The following UQCRH variants were observed in gnomAD, a reference collection of about 807,000 sequenced individuals.
The protein encoded by UQCRH is cytochrome b-c1 complex subunit 6, mitochondrial.
In UQCRH, 14 loss-of-function variants were observed where a neutral mutation model predicts 16.3. That is an observed-to-expected ratio of 0.86 (90% CI 0.57 to 1.34). The LOEUF (loss-of-function observed/expected upper bound fraction) is 1.34, where lower values mean the gene tolerates loss of function less well. Ranked by LOEUF, UQCRH falls within the 40% of genes most tolerant of loss-of-function variation. The pLI, the probability that UQCRH is intolerant of heterozygous loss-of-function variation, is 0.00. For synonymous variants in UQCRH, 41 were observed against 41.9 expected (o/e 0.98, Z 0.08); for missense variants, 89 against 111.9 (o/e 0.80, Z 0.92).
intron 1 of UQCRH, among the ~76,000 whole-genome samples, chr1:46,305,499 G>A (rs544801302): frequency 7.6e-6 from 1 of 131,286 alleles, no homozygotes; most frequent in East Asian, 2.0e-4. Context: ...TCGGGAGGCC[G>A]AGGCGGGTGG....
At chr1:46,309,206 G>T in intron 2 of UQCRH, 79 bp downstream of exon 2, 1 of 1,522,240 alleles carries the variant, frequency 6.6e-7, no homozygotes, top group Non-Finnish European at 9.0e-7. Flanking sequence ...GCATTTTAAG[G>T]AGTTTTTACT....
rs761472665 is a variant in UQCRH, at chr1:46,310,227, C to T, written c.154C>T (p.Leu52Phe). 5.6e-6 allele frequency: 9 copies of T among 1,614,080 alleles called. No homozygotes were observed. Among genetic ancestry groups the T allele is most frequent in the Non-Finnish European group, 2.5e-6 (3 of 1,180,046 alleles). ...KCVKARERLELCDERVSSRSH... is the reference protein window; with the variant it reads ...KCVKARERLEFCDERVSSRSH... ...TGTAAAGGCCCGGGAGCGGCTAGAG[C>T]TCTGTGATGAGCGTGTATCCTCTCG... The change falls in exon 3 of 4, where the codon CTC (leucine) becomes TTC (phenylalanine). Residue 52 changes from leucine (L) to phenylalanine (F), a missense_variant. Transcript: ENST00000311672.
chr1:46,311,846 T>A (rs1477779224), intron 3 of UQCRH, among the ~76,000 whole-genome samples: 1 of 151,744 alleles, frequency 6.6e-6, no homozygotes, highest in Admixed American at 6.6e-5. Flanking sequence ...GCCAAGATGG[T>A]CTCAGTCTCC....
At chr1:46,304,867 A>G (rs1309232471) in intron 1 of UQCRH, among the ~76,000 whole-genome samples, 2 of 152,136 alleles carry the variant, frequency 1.3e-5, no homozygotes, top group African/African-American at 2.4e-5. Context: ...GACTCTTATC[A>G]ATTTTGCGAC....
At chr1:46,312,813 T>G (rs1197351037) in intron 3 of UQCRH, among the ~76,000 whole-genome samples, 1 of 152,114 alleles carries the variant, frequency 6.6e-6, no homozygotes, top group Non-Finnish European at 1.5e-5. Context: ...ATGTGGTTGC[T>G]TCTATTAAAA....
chr1:46,309,228 A>G lies in UQCRH; in HGVS notation c.81+101A>G. On this transcript the variant is annotated intron_variant, in intron 2 of 3. Coordinates refer to ENST00000311672, the MANE Select transcript of UQCRH (RefSeq NM_006004.4). ...AAGGAGTTTTTACTTGATACCTTGT[A>G]GATAATGGGGGTGGAATAAGCTTTG... The G allele has an allele frequency of 3.0e-6, 4 of 1,320,726 alleles. No homozygotes were observed. The South Asian group carries it at 4.1e-5, about 13-fold the overall frequency. The allele number at this position is 1,320,726 out of a possible 1,614,324, so 81.8% of individuals were successfully genotyped here. A position where few individuals can be genotyped will look rare whatever the true frequency, so the allele number is the denominator to read the frequency against.
At chr1:46,306,711 G>C (rs1029041921) in intron 1 of UQCRH, among the ~76,000 whole-genome samples, 1 of 152,120 alleles carries the variant, frequency 6.6e-6, no homozygotes, top group African/African-American at 2.4e-5. Context: ...AAGAAACCTT[G>C]TTAATGAAAA....
In UQCRH at chr1:46,316,673, G is replaced by A; in HGVS notation, c.*89G>A. 1 of 1,583,042 alleles carries A rather than the reference G, an allele frequency of 6.3e-7. No homozygotes were observed. The highest frequency in any genetic ancestry group is 1.8e-5 in the Admixed American group (1 of 55,132). On this transcript the variant is annotated 3_prime_UTR_variant, in exon 4 of 4. Coordinates refer to ENST00000311672, the MANE Select transcript of UQCRH (RefSeq NM_006004.4). ...TGGATGTACCATTTGTTTCTTATTT[G>A]TGTAACTGTAAGTTCACATGAACCT... is the stretch of plus-strand genomic sequence containing the variant.
At chr1:46,316,208 A>G (rs919064924) in intron 3 of UQCRH, among the ~76,000 whole-genome samples, 4 of 152,214 alleles carry the variant, frequency 2.6e-5, no homozygotes, top group Non-Finnish European at 4.4e-5. Context: ...CACTTAGAAC[A>G]CTACCTGGCA....
In UQCRH at chr1:46,309,103, G is replaced by T; in HGVS notation, c.57G>T (p.Glu19Asp). Residue 19 changes from glutamate (E) to aspartate (D), a missense_variant and splice_region_variant, in exon 2 of 4, where the codon GAG becomes GAT. Physicochemically the swap from Glu to Asp is conservative, Grantham distance 45. Coordinates refer to ENST00000311672, the MANE Select transcript of UQCRH (RefSeq NM_006004.4). ...TTAATTTTGTTTTCCTTTTGTAGGAGGAAGAGGAAGAGGAGGAATTAGTGG... is the reference window on the plus strand; with the variant it reads ...TTAATTTTGTTTTCCTTTTGTAGGATGAAGAGGAAGAGGAGGAATTAGTGG... Reference protein sequence around the residue: ...MLTESGDPEEEEEEEEELVDP... With the variant: ...MLTESGDPEEDEEEEEELVDP... 1 of 1,613,208 alleles carries T rather than the reference G, an allele frequency of 6.2e-7. No individual in the cohort carries two copies. The highest frequency in any genetic ancestry group is 8.5e-7 in the Non-Finnish European group (1 of 1,179,696).
intron 3 of UQCRH, among the ~76,000 whole-genome samples, chr1:46,315,172 C>T (rs1387410015): frequency 3.3e-5 from 5 of 152,138 alleles, no homozygotes; most frequent in East Asian, 1.9e-4. Flanking sequence ...AGGCCAGGTG[C>T]GGTGGCTCAC....
Position 46,310,225 on chromosome 1 carries a change from A to G in UQCRH, c.152A>G (p.Glu51Gly). The change falls in exon 3 of 4, where the codon GAG becomes GGG. Residue 51 changes from glutamate (E) to glycine (G), a missense_variant. Physicochemically the swap from Glu to Gly is moderately conservative, Grantham distance 98. Coordinates refer to ENST00000311672, the MANE Select transcript of UQCRH (RefSeq NM_006004.4). ...TGTGTAAAGGCCCGGGAGCGGCTAG[A>G]GCTCTGTGATGAGCGTGTATCCTCT... ...EKCVKARERL[E>G]LCDERVSSRS... is the part of the protein sequence containing the mutation. 6.2e-7 allele frequency: 1 copy of G among 1,614,190 alleles called. No individual in the cohort carries two copies. Among genetic ancestry groups the G allele is most frequent in the South Asian group, 1.1e-5 (1 of 91,090 alleles).
intron 3 of UQCRH, among the ~76,000 whole-genome samples, chr1:46,312,683 G>T (rs1661502633): frequency 6.6e-6 from 1 of 151,864 alleles, no homozygotes; most frequent in South Asian, 2.1e-4. Flanking sequence ...GGGCAAGATA[G>T]GGGAACCCTG....
chr1:46,304,113 A>C (rs1376178304), intron 1 of UQCRH, among the ~76,000 whole-genome samples: 3 of 152,224 alleles, frequency 2.0e-5, no homozygotes, highest in African/African-American at 7.2e-5. Flanking sequence ...GTTTGCAGTC[A>C]GTCAGATGTT....
intron 3 of UQCRH, 21 bp from the exon 4 acceptor site, chr1:46,316,531 C>T: frequency 6.2e-7 from 1 of 1,613,590 alleles, no homozygotes; most frequent in Non-Finnish European, 8.5e-7. Flanking sequence ...TTGATTACCT[C>T]CTTTTCTTTC....
At position 46,310,276 on chromosome 1, in the gene UQCRH, C is replaced by T. The variant is rs771218841; in HGVS notation, c.203C>T (p.Thr68Met). 1.8e-5 allele frequency: 29 copies of T among 1,613,928 alleles called. No individual in the cohort carries two copies. The highest frequency in any genetic ancestry group is 1.1e-4 in the East Asian group (5 of 44,894). The change falls in exon 3 of 4, where the codon ACG becomes ATG. Residue 68 changes from threonine (T) to methionine (M), a missense_variant. Transcript: ENST00000311672. ...CGATCACATACAGAAGAGGATTGCA[C>T]GGAGGAGCTCTTTGACTTCTTGCAT... ...SSRSHTEEDC[T>M]EELFDFLHAR...
intron 1 of UQCRH, 22 bp downstream of exon 1, chr1:46,303,842 G>A: frequency 6.2e-7 from 1 of 1,614,080 alleles, no homozygotes; most frequent in East Asian, 2.2e-5. Context: ...CGATCCACTC[G>A]GCCCTCTTCT....
At chr1:46,309,382 G>A in intron 2 of UQCRH, 1 of 460,126 alleles carries the variant, frequency 2.2e-6, no homozygotes, top group Non-Finnish European at 3.8e-6. Flanking sequence ...TCAATCATCT[G>A]CTATTTGTGG....
In UQCRH at chr1:46,306,413, G is replaced by T. The variant is rs1368620627; in HGVS notation, c.54+2593G>T. 2.3e-5 allele frequency among the ~76,000 whole-genome samples: 3 copies of T among 128,940 alleles called. No individual in the cohort carries two copies. In the South Asian group the frequency reaches 7.0e-4, roughly 30 times the overall value. The allele number at this position is 128,940 out of a possible 152,430, so 84.6% of individuals were successfully genotyped here. ...TTTTTTTTTTTTGTGACGGAGTCTC[G>T]CTCTTGCCTGGCTGGAGTACAGTGG... On this transcript the variant is annotated intron_variant, in intron 1 of 3. Coordinates refer to ENST00000311672, the MANE Select transcript of UQCRH (RefSeq NM_006004.4).
Sources: allele counts gnomAD v4.1 joint callset (sites outside exome capture counted in the v4.1 genomes callset), GRCh38; gene constraint gnomAD v4.1.1; transcripts MANE v1.5; gene names NCBI Gene and HGNC (gene_info 2026-07-23, HGNC 2026-07-21).